Variants in KIAA0930 observed in about 807,000 individuals in gnomAD.
KIAA0930 encodes the protein KIAA0930, also known as uncharacterized protein KIAA0930.
Under a neutral mutation model 43.9 loss-of-function variants are expected in KIAA0930, and 24 were observed. The observed-to-expected ratio is 0.55, with a 90% CI of 0.40 to 0.77. The LOEUF (loss-of-function observed/expected upper bound fraction) is 0.77, where lower values mean the gene tolerates loss of function less well. KIAA0930 is among the 30% of genes least tolerant of loss of function. The pLI is 0.00. For missense variants in KIAA0930, 461 were observed against 574.2 expected, an observed-to-expected ratio of 0.80 and a Z score of 2.02; for synonymous variants, 259 against 216.4, an observed-to-expected ratio of 1.20 and a Z score of -1.73.
intron 1 of KIAA0930, among the ~76,000 whole-genome samples, chr22:45,234,217 C>A (rs78780903): frequency 0.051 from 7,770 of 152,130 alleles, 610 homozygotes; most frequent in African/African-American, 0.16. Context: ...GGTCAGTGTG[C>A]GTGTGGGTGC....
At chr22:45,227,284 C>T (rs1486161891) in intron 1 of KIAA0930, among the ~76,000 whole-genome samples, 3 of 152,300 alleles carry the variant, frequency 2.0e-5, no homozygotes, top group African/African-American at 2.4e-5. Context: ...TCATGCTCTC[C>T]GCAGGCAACG....
Position 45,196,808 on chromosome 22 carries a change from T to TG in KIAA0930, c.*367dup, listed in dbSNP as rs1252137113. The TG allele has an allele frequency of 4.2e-6, 1 of 238,444 alleles. No homozygotes were observed. The highest frequency in any genetic ancestry group is 8.1e-6 in the Non-Finnish European group (1 of 123,506). 14.8% of individuals were successfully genotyped at this position (238,444 alleles called of 1,614,324 possible). A position where few individuals can be genotyped will look rare whatever the true frequency, so the allele number is the denominator to read the frequency against. ...CTGGCTGGGTGGTTCCGCCTGCTGC[T>TG]GGGGGGACGTGAACATAGACCCGCC... On this transcript the variant is annotated 3_prime_UTR_variant, in exon 10 of 10. Coordinates refer to ENST00000336156, the MANE Select transcript of KIAA0930 (RefSeq NM_001009880.2). This position sits in a 1 kb window ranked among gnomAD's most constrained non-coding sequence, Gnocchi z 4.1.
intron 1 of KIAA0930, among the ~76,000 whole-genome samples, chr22:45,238,749 C>A (rs575552074): frequency 6.6e-6 from 1 of 152,012 alleles, no homozygotes; most frequent in East Asian, 1.9e-4. Context: ...GCGTGAGTAT[C>A]GTAGGCACAT....
At chr22:45,220,567 C>T (rs1278946448) in intron 1 of KIAA0930, among the ~76,000 whole-genome samples, 4 of 152,112 alleles carry the variant, frequency 2.6e-5, no homozygotes, top group Admixed American at 6.5e-5. Flanking sequence ...AAATTCAACA[C>T]GCATTCTTGA....
At chr22:45,219,703 T>C (rs2083756253) in intron 1 of KIAA0930, among the ~76,000 whole-genome samples, 1 of 150,622 alleles carries the variant, frequency 6.6e-6, no homozygotes, top group East Asian at 2.0e-4. Context: ...GCCATCCTCC[T>C]GTTTCAGCCT....
Position 45,192,786 on chromosome 22 carries a change from C to T in KIAA0930, c.*4390G>A, listed in dbSNP as rs1490584610. 1 of 152,306 alleles carries T rather than the reference C, an allele frequency of 6.6e-6. No homozygotes were observed. 9.4% of individuals were successfully genotyped at this position (152,306 alleles called of 1,614,324 possible). The stretch of plus-strand genomic sequence containing the variant: ...CACCCATCAGCAGCTGCCTCCACTT[C>T]TGAGGCTCCCCCTGCGGGAGGAGCT... On this transcript the variant is annotated 3_prime_UTR_variant, in exon 10 of 10. Coordinates refer to ENST00000336156, the MANE Select transcript of KIAA0930 (RefSeq NM_001009880.2).
At chr22:45,231,441 T>C (rs1030981175) in intron 1 of KIAA0930, among the ~76,000 whole-genome samples, 2 of 151,424 alleles carry the variant, frequency 1.3e-5, no homozygotes, top group African/African-American at 4.9e-5. Flanking sequence ...ATCCGAGGGA[T>C]GTCTGGGCTT....
intron 1 of KIAA0930, among the ~76,000 whole-genome samples, chr22:45,216,199 G>GC (rs1275344640): frequency 1.3e-5 from 2 of 152,182 alleles, no homozygotes; most frequent in African/African-American, 4.8e-5. Flanking sequence ...GTTAGGAGTT[G>GC]CAGTCAAACA....
At chr22:45,222,697 T>C (rs1158866928) in intron 1 of KIAA0930, among the ~76,000 whole-genome samples, 1 of 108,226 alleles carries the variant, frequency 9.2e-6, no homozygotes, top group African/African-American at 3.5e-5. Flanking sequence ...AAAAAACAAA[T>C]ACCACACTGG....
intron 1 of KIAA0930, among the ~76,000 whole-genome samples, chr22:45,222,613 A>G (rs1052149556): frequency 1.3e-5 from 2 of 149,000 alleles, no homozygotes; most frequent in Non-Finnish European, 3.0e-5. Flanking sequence ...CTGGCCAAAA[A>G]TTAAAAATTT....
At chr22:45,212,407 A>G in intron 1 of KIAA0930, 1 of 1,560,834 alleles carries the variant, frequency 6.4e-7, no homozygotes. Context: ...TCGGAGGAAA[A>G]GGAAAATCCC....
At position 45,194,520 on chromosome 22, in the gene KIAA0930, G is replaced by A. The variant is rs1178481979; in HGVS notation, c.*2656C>T. Reference sequence around the variant, plus strand: ...TAGTCTTCCCCGCATTACACAAAAGGCAGGTGTGTTCCCAGAAAAATTAAA... The same window carrying A: ...TAGTCTTCCCCGCATTACACAAAAGACAGGTGTGTTCCCAGAAAAATTAAA... On this transcript the variant is annotated 3_prime_UTR_variant, in exon 10 of 10. Transcript: ENST00000336156. 1.3e-5 allele frequency: 2 copies of A among 152,212 alleles called. No individual in the cohort carries two copies. Among genetic ancestry groups the A allele is most frequent in the African/African-American group, 4.8e-5 (2 of 41,438 alleles). The allele number at this position is 152,212 out of a possible 1,614,324, so 9.4% of individuals were successfully genotyped here.
At chr22:45,197,293 T>C (rs1601805938) in intron 9 of KIAA0930, 77 bp from the exon 10 acceptor site, 20 of 1,348,250 alleles carry the variant, frequency 1.5e-5, no homozygotes, top group Non-Finnish European at 1.9e-5. Context: ...GCAGTGCCAC[T>C]TCTGAAGGAA....
intron 1 of KIAA0930, among the ~76,000 whole-genome samples, chr22:45,220,629 TG>T (rs1352481188): frequency 6.6e-6 from 1 of 152,188 alleles, no homozygotes. Flanking sequence ...TCACCCAGGC[TG>T]GAGCACAGTG....
intron 1 of KIAA0930, chr22:45,226,304 C>T (rs1204661603): frequency 3.0e-5 from 14 of 471,006 alleles, no homozygotes; most frequent in Non-Finnish European, 5.7e-5. Flanking sequence ...CCTTCAAGTC[C>T]GGGCACCTGG....
intron 1 of KIAA0930, among the ~76,000 whole-genome samples, chr22:45,235,687 A>C (rs1045177968): frequency 6.6e-6 from 1 of 151,890 alleles, no homozygotes; most frequent in Non-Finnish European, 1.5e-5. Flanking sequence ...ACTGCACCCG[A>C]CTCCACACCA....
chr22:45,220,473 C>T (rs1404922085), intron 1 of KIAA0930, among the ~76,000 whole-genome samples: 1 of 151,978 alleles, frequency 6.6e-6, no homozygotes, highest in Non-Finnish European at 1.5e-5. Context: ...ATTAGAAAAT[C>T]TATTAATATA....
At chr22:45,239,824 G>T (rs1336091811) in intron 1 of KIAA0930, among the ~76,000 whole-genome samples, 1 of 152,154 alleles carries the variant, frequency 6.6e-6, no homozygotes, top group African/African-American at 2.4e-5. Flanking sequence ...GCACGGAGGA[G>T]GGAGGGGTCT....
At chr22:45,200,785 TCA>T (rs1374345137) in intron 7 of KIAA0930, among the ~76,000 whole-genome samples, 2 of 152,066 alleles carry the variant, frequency 1.3e-5, no homozygotes, top group Admixed American at 1.3e-4. Flanking sequence ...GGTGACAGAC[TCA>T]GAGAGTGACA....
Sources: allele counts gnomAD v4.1 joint callset (sites outside exome capture counted in the v4.1 genomes callset), GRCh38; gene constraint gnomAD v4.1.1; non-coding constraint Gnocchi (gnomAD v3.1); transcripts MANE v1.5; gene names NCBI Gene and HGNC (gene_info 2026-07-23, HGNC 2026-07-21).